Variants in BORA observed in about 807,000 individuals in gnomAD.
BORA encodes the protein protein aurora borealis.
Under a neutral mutation model 55.8 loss-of-function variants are expected in BORA, and 26 were observed. The ratio of observed to expected loss-of-function variants is 0.47; its 90% CI spans 0.34 to 0.65. The LOEUF (loss-of-function observed/expected upper bound fraction) is 0.65, where lower values mean the gene tolerates loss of function less well. Ranked by LOEUF, BORA falls within the 30% of genes least tolerant of loss-of-function variation. The pLI, the probability that BORA is intolerant of heterozygous loss-of-function variation, is 0.01. For missense variants in BORA, 568 were observed against 671.5 expected (o/e 0.85, Z 1.70); for synonymous variants, 201 against 216.9 (o/e 0.93, Z 0.64).
In BORA at chr13:72,727,997, T is replaced by G. The variant is rs779341136; in HGVS notation, c.-26T>G. 2.0e-5 allele frequency: 30 copies of G among 1,536,866 alleles called. No homozygotes were observed. Among genetic ancestry groups the G allele is most frequent in the East Asian group, 2.5e-5 (1 of 40,136 alleles). The stretch of plus-strand genomic sequence containing the variant: ...GGAGTCGGTACTGGGGGCTTCGTTT[T>G]GTACGCACCGGTAGGTACGCTCTTT... On this transcript the variant is annotated 5_prime_UTR_variant, in exon 1 of 12. Transcript: ENST00000390667.
intron 10 of BORA, 88 bp downstream of exon 10, chr13:72,747,199 A>T: frequency 7.1e-7 from 1 of 1,405,074 alleles, no homozygotes; most frequent in African/African-American, 1.4e-5. Context: ...AAGATAATGG[A>T]TTAAACATGA....
At position 72,729,127 on chromosome 13, in the gene BORA, T is replaced by A. The variant is rs754524966; in HGVS notation, c.153+34T>A. On this transcript the variant is annotated intron_variant, in intron 2 of 11. Coordinates refer to ENST00000390667, the MANE Select transcript of BORA (RefSeq NM_024808.5). ...TTCCTGACTAGTGTTTACAACTAATTTTAAATGTAAGTAATTACAAATAAT... is the reference window on the plus strand; with the variant it reads ...TTCCTGACTAGTGTTTACAACTAATATTAAATGTAAGTAATTACAAATAAT... 3 of 1,437,288 alleles carry A rather than the reference T, an allele frequency of 2.1e-6. No individual in the cohort carries two copies. In the South Asian group the frequency reaches 4.2e-5, roughly 20 times the overall value. 89.0% of individuals were successfully genotyped at this position (1,437,288 alleles called of 1,614,324 possible).
chr13:72,733,807 A>G (rs1285155764), intron 3 of BORA, among the ~76,000 whole-genome samples: 1 of 152,206 alleles, frequency 6.6e-6, no homozygotes, highest in Non-Finnish European at 1.5e-5. Flanking sequence ...ACATTCTCAT[A>G]TAAGCTTTAT....
intron 6 of BORA, among the ~76,000 whole-genome samples, chr13:72,743,894 C>G (rs1024082734): frequency 6.6e-6 from 1 of 151,952 alleles, no homozygotes; most frequent in Non-Finnish European, 1.5e-5. Flanking sequence ...CGCCACCACA[C>G]CTGGCTAATT....
At chr13:72,747,541 G>GTT (rs565367952) in intron 10 of BORA, among the ~76,000 whole-genome samples, 1 of 148,342 alleles carries the variant, frequency 6.7e-6, no homozygotes, top group African/African-American at 2.5e-5. Context: ...TAGAGCACTG[G>GTT]TTTTTTTTTT....
rs2032809531 is a variant in BORA at position 72,731,277 on chromosome 13, T to G, written c.154-4T>G. The stretch of plus-strand genomic sequence containing the variant: ...TACTCATAAGCTCACTTTCTTTTGT[T>G]AAGACTCCAGGGAAATTTAGATGGT... On this transcript the variant is annotated splice_region_variant and splice_polypyrimidine_tract_variant and intron_variant, in intron 2 of 11. Transcript: ENST00000390667. 1 of 1,593,208 alleles carries G rather than the reference T, an allele frequency of 6.3e-7. No individual in the cohort carries two copies. Among genetic ancestry groups the G allele is most frequent in the Non-Finnish European group, 8.6e-7 (1 of 1,164,626 alleles).
intron 10 of BORA, chr13:72,752,518 CATA>C (rs2033304563): frequency 6.6e-6 from 1 of 152,174 alleles, no homozygotes; most frequent in South Asian, 2.1e-4. Flanking sequence ...TATCCAGTTA[CATA>C]TTAGTATTGC....
chr13:72,744,655 A>T lies in BORA; in HGVS notation c.511+94A>T, dbSNP rs1415027362. Reference sequence around the variant, plus strand: ...AATGGTAACATGGGAAATATGTGGCAGTGCCTCTTTCTAAAGAAGTGGGGA... The same window carrying T: ...AATGGTAACATGGGAAATATGTGGCTGTGCCTCTTTCTAAAGAAGTGGGGA... On this transcript the variant is annotated intron_variant, in intron 7 of 11. Transcript: ENST00000390667. The T allele has an allele frequency of 6.3e-5, 59 of 940,458 alleles. 1 individual carries two copies. The highest frequency in any genetic ancestry group is 1.1e-5 in the Non-Finnish European group (7 of 613,032). The allele number at this position is 940,458 out of a possible 1,614,324, so 58.3% of individuals were successfully genotyped here.
chr13:72,746,002 T>C lies in BORA; in HGVS notation c.797T>C (p.Ile266Thr), dbSNP rs775510514. 23 of 1,612,932 alleles carry C rather than the reference T, an allele frequency of 1.4e-5. No individual in the cohort carries two copies. The highest frequency in any genetic ancestry group is 2.0e-5 in the Non-Finnish European group (23 of 1,179,048). The change falls in exon 9 of 12, where the codon ATA becomes ACA. Residue 266 changes from isoleucine (I) to threonine (T), a missense_variant. Coordinates refer to ENST00000390667, the MANE Select transcript of BORA (RefSeq NM_024808.5). ...GCAAAAAAATACAGCTTGGGAAGCA[T>C]AACTAGTCCTTCGCCTATTTCTTCA... is the stretch of plus-strand genomic sequence containing the variant. ...ASAKKYSLGS[I>T]TSPSPISSPT...
chr13:72,727,959 C>A lies in BORA; in HGVS notation c.-64C>A, dbSNP rs566726666. ...GCCTGTCGTGGAAGCTGGCCTGGCC[C>A]CCGGAGCTCCCTGGAGTCGGTACTG... is the stretch of plus-strand genomic sequence containing the variant. On this transcript the variant is annotated 5_prime_UTR_variant, in exon 1 of 12. Transcript: ENST00000390667. 23 of 1,550,478 alleles carry A rather than the reference C, an allele frequency of 1.5e-5. No homozygotes were observed. The highest frequency in any genetic ancestry group is 1.7e-5 in the Non-Finnish European group (20 of 1,146,992).
At chr13:72,739,185 A>T (rs764751457) in intron 5 of BORA, among the ~76,000 whole-genome samples, 1 of 152,180 alleles carries the variant, frequency 6.6e-6, no homozygotes, top group Non-Finnish European at 1.5e-5. Context: ...TCTCATAGAT[A>T]CTAGTTTTTC....
At chr13:72,743,688 C>T in intron 6 of BORA, 86 bp downstream of exon 6, 1 of 933,210 alleles carries the variant, frequency 1.1e-6, no homozygotes, top group East Asian at 2.8e-5. Context: ...TAACACTTTA[C>T]TCTGGAATTG....
intron 10 of BORA, 103 bp from the exon 11 acceptor site, chr13:72,753,587 G>T: frequency 1.7e-6 from 2 of 1,175,452 alleles, no homozygotes; most frequent in Non-Finnish European, 2.4e-6. Context: ...TACATGTTAG[G>T]ATCATTCAGA....
At chr13:72,735,119 C>A in intron 4 of BORA, 114 bp downstream of exon 4, 1 of 799,742 alleles carries the variant, frequency 1.3e-6, no homozygotes, top group South Asian at 1.6e-5. Flanking sequence ...CCCCTCCAAG[C>A]CCTTCACAGT....
At chr13:72,738,678 C>T (rs2032980400) in intron 5 of BORA, among the ~76,000 whole-genome samples, 1 of 152,044 alleles carries the variant, frequency 6.6e-6, no homozygotes, top group South Asian at 2.1e-4. Context: ...TTGTAGTATA[C>T]CTTAATTATG....
rs1455426814 is a variant in BORA at position 72,734,981 on chromosome 13, C to G, written c.282C>G (p.Asp94Glu). The G allele has an allele frequency of 6.3e-7, 1 of 1,587,106 alleles. No individual in the cohort carries two copies. Among genetic ancestry groups the G allele is most frequent in the Admixed American group, 1.7e-5 (1 of 59,348 alleles). ...ATAGAATAGATAAAGATGTGGAAGA[C>G]AAAAGACAAAAAGCCATTGAAGAGG... ...SHSRIDKDVE[D>E]KRQKAIEEFF... Residue 94 changes from aspartate to glutamate, a missense_variant, in exon 4 of 12, where the codon GAC (aspartate) becomes GAG (glutamate). Asp to Glu is a conservative substitution (Grantham distance 45, BLOSUM62 2). Transcript: ENST00000390667.
intron 1 of BORA, 111 bp from the exon 2 acceptor site, chr13:72,728,815 G>A (rs1593802874): frequency 1.1e-6 from 1 of 910,368 alleles, no homozygotes; most frequent in East Asian, 2.8e-5. Flanking sequence ...CCAAGAGTGT[G>A]AGGTTTTGAG....
chr13:72,745,416 G>A lies in BORA; in HGVS notation c.738+209G>A, dbSNP rs562546952. On this transcript the variant is annotated intron_variant, in intron 8 of 11. Transcript: ENST00000390667. ...ACTCATGACTGTATTCTCTCCCTTG[G>A]ACACCCCTGTGAGCTGCCCAGATTG... Among the ~76,000 whole-genome samples, 185 of 152,258 alleles carry A rather than the reference G, an allele frequency of 1.2e-3. 1 individual carries two copies. The highest frequency in any genetic ancestry group is 3.9e-3 in the Admixed American group (59 of 15,294).
chr13:72,750,594 A>T (rs938261240), intron 10 of BORA, among the ~76,000 whole-genome samples: 1 of 152,156 alleles, frequency 6.6e-6, no homozygotes, highest in African/African-American at 2.4e-5. Flanking sequence ...CAGTAATGGA[A>T]CACAGAAGAA....
Sources: gnomAD v4.1 joint callset for allele counts (sites outside exome capture counted in the v4.1 genomes callset) on GRCh38, gnomAD v4.1.1 for gene constraint, MANE v1.5 for transcripts, NCBI Gene and HGNC (gene_info 2026-07-23, HGNC 2026-07-21) for gene names.